Variants in NCAPD3 observed in about 807,000 individuals in gnomAD.
NCAPD3 encodes condensin-2 complex subunit D3.
NCAPD3 carries 105 observed loss-of-function variants against 182.9 expected under a neutral mutation model. That is an observed-to-expected ratio of 0.57 (90% confidence interval 0.49 to 0.68). The LOEUF is 0.68. Ranked by LOEUF, NCAPD3 falls within the 30% of genes least tolerant of loss-of-function variation. The pLI is 0.00. For synonymous variants in NCAPD3, 815 were observed against 679.9 expected, an observed-to-expected ratio of 1.20 and a Z score of -3.09; for missense variants, 1,944 against 1,837.0, an observed-to-expected ratio of 1.06 and a Z score of -1.07.
chr11:134,209,686 A>G, intron 4 of NCAPD3: 1 of 483,336 alleles, frequency 2.1e-6, no homozygotes, highest in Non-Finnish European at 3.6e-6. Flanking sequence ...AGTAGTTTCT[A>G]GTTTTGTGTC....
chr11:134,211,795 A>G (rs1486980698), intron 3 of NCAPD3, among the ~76,000 whole-genome samples: 1 of 152,228 alleles, frequency 6.6e-6, no homozygotes, highest in Non-Finnish European at 1.5e-5. Context: ...ACTGAAACAA[A>G]GATAAGTGAA....
intron 7 of NCAPD3, among the ~76,000 whole-genome samples, chr11:134,207,082 G>C (rs1937630429): frequency 6.6e-6 from 1 of 152,136 alleles, no homozygotes; most frequent in Admixed American, 6.5e-5. Flanking sequence ...TTATTCAAAA[G>C]GGGAAAGAAC....
chr11:134,188,003 G>A (rs142794436), intron 16 of NCAPD3, among the ~76,000 whole-genome samples: 2 of 152,176 alleles, frequency 1.3e-5, no homozygotes, highest in Admixed American at 6.5e-5. Context: ...AAACGTGGCT[G>A]TTAGGGTCGG....
rs777686301 is a variant in NCAPD3, at chr11:134,157,911, C to G, written c.4174+17G>C. 3.7e-6 allele frequency: 6 copies of G among 1,607,194 alleles called. No individual in the cohort carries two copies. The highest frequency in any genetic ancestry group is 5.1e-6 in the Non-Finnish European group (6 of 1,175,888). ...TGTAAATGCTCTACTGTGTCTGGCA[C>G]CAAACATAAGGCTTACCCTGACTGC... On this transcript the variant is annotated intron_variant, in intron 31 of 34. Coordinates refer to ENST00000534548, the MANE Select transcript of NCAPD3 (RefSeq NM_015261.3).
chr11:134,214,595 C>T (rs1937950973), intron 3 of NCAPD3, among the ~76,000 whole-genome samples: 1 of 152,038 alleles, frequency 6.6e-6, no homozygotes, highest in Non-Finnish European at 1.5e-5. Context: ...GGACAAACAA[C>T]AGAATTTAAT....
chr11:134,209,508 T>C, intron 4 of NCAPD3, 31 bp from the exon 5 acceptor site: 1 of 1,578,884 alleles, frequency 6.3e-7, no homozygotes, highest in South Asian at 1.1e-5. Context: ...CAGGTGACTG[T>C]AATAAATGCC....
intron 2 of NCAPD3, among the ~76,000 whole-genome samples, chr11:134,220,187 C>T (rs1431452776): frequency 8.2e-5 from 12 of 145,814 alleles, no homozygotes; most frequent in Non-Finnish European, 1.7e-4. Context: ...TATATTTTTC[C>T]TTTTTTTTTT....
chr11:134,197,878 T>C (rs974914491), intron 13 of NCAPD3, among the ~76,000 whole-genome samples: 2 of 152,212 alleles, frequency 1.3e-5, no homozygotes, highest in East Asian at 3.8e-4. Flanking sequence ...GGAAGGAAAC[T>C]TCCTCATATT....
Position 134,168,899 on chromosome 11 carries a change from C to T in NCAPD3, c.3239+18G>A, listed in dbSNP as rs751694821. On this transcript the variant is annotated intron_variant, in intron 25 of 34. Coordinates refer to ENST00000534548, the MANE Select transcript of NCAPD3 (RefSeq NM_015261.3). ...CTTACCCAGATACAAGGAGACCAGA[C>T]TTAGCTGCTTCACTGACCTCTCTGA... 2.0e-5 allele frequency: 32 copies of T among 1,608,266 alleles called. No individual in the cohort carries two copies. In the South Asian group the frequency reaches 3.3e-4, roughly 17 times the overall value.
At chr11:134,163,355 C>G (rs137957850) in intron 27 of NCAPD3, among the ~76,000 whole-genome samples, 2 of 152,276 alleles carry the variant, frequency 1.3e-5, no homozygotes, top group African/African-American at 4.8e-5. Flanking sequence ...TCACAGTCAA[C>G]CTGCCTTTAG....
chr11:134,191,740 G>C (rs1944529358), intron 16 of NCAPD3, among the ~76,000 whole-genome samples: 1 of 152,184 alleles, frequency 6.6e-6, no homozygotes, highest in African/African-American at 2.4e-5. Flanking sequence ...GGTGGGTAGA[G>C]GTTGAGTATC....
At chr11:134,201,800 T>C (rs561409870) in intron 13 of NCAPD3, among the ~76,000 whole-genome samples, 75 of 152,322 alleles carry the variant, frequency 4.9e-4, no homozygotes, top group African/African-American at 1.7e-3. Context: ...TTTTCCAGAG[T>C]ACATTTTCCT....
intron 1 of NCAPD3, chr11:134,223,597 G>A (rs189887333): frequency 4.8e-5 from 32 of 668,206 alleles, no homozygotes; most frequent in East Asian, 3.5e-4. Context: ...GGAAGAAGGG[G>A]AAGGCCGAGA....
chr11:134,158,216 G>T, intron 30 of NCAPD3, 113 bp downstream of exon 30: 4 of 1,528,656 alleles, frequency 2.6e-6, no homozygotes, highest in Non-Finnish European at 2.7e-6. Context: ...GAGCGGGGTG[G>T]CAGGCCAGAC....
At chr11:134,188,690 G>A (rs1224839196) in intron 16 of NCAPD3, among the ~76,000 whole-genome samples, 1 of 152,122 alleles carries the variant, frequency 6.6e-6, no homozygotes, top group Non-Finnish European at 1.5e-5. Context: ...CCCACCAGAG[G>A]GAAGAAACTC....
At chr11:134,156,631 G>A (rs916341265) in intron 32 of NCAPD3, among the ~76,000 whole-genome samples, 4 of 152,128 alleles carry the variant, frequency 2.6e-5, no homozygotes, top group African/African-American at 9.7e-5. Context: ...GGTACCTGCT[G>A]GTGCTGACGT....
In NCAPD3 at chr11:134,178,685, T is replaced by A; in HGVS notation, c.2731A>T (p.Arg911Ter). 6.3e-7 allele frequency: 1 copy of A among 1,599,690 alleles called. No homozygotes were observed. The highest frequency in any genetic ancestry group is 8.5e-7 in the Non-Finnish European group (1 of 1,171,688). Residue 911 changes from arginine (R) to a stop codon, truncating the protein, a stop_gained, in exon 22 of 35, where the codon AGA (arginine) becomes TGA (stop). Transcript: ENST00000534548. LOFTEE classifies it high-confidence loss of function. The part of the protein sequence containing the change: ...APASQPPPQV[R>*]GSVMPSVIRA... ...ATCACAGAGGGCATGACAGAACCTC[T>A]GACCTGGGGGGGTGGCTGAGACGCT...
chr11:134,197,600 A>C (rs1412281639), intron 13 of NCAPD3, among the ~76,000 whole-genome samples: 2 of 152,224 alleles, frequency 1.3e-5, no homozygotes, highest in Admixed American at 6.5e-5. Context: ...TAGCAATGCA[A>C]GAATGGCTTA....
At chr11:134,209,061 G>T (rs940045922) in intron 6 of NCAPD3, 84 bp downstream of exon 6, 8 of 1,479,886 alleles carry the variant, frequency 5.4e-6, no homozygotes, top group Admixed American at 1.8e-5. Flanking sequence ...TGCCAATTGG[G>T]ATAAAATGGT....
Sources: allele counts gnomAD v4.1 joint callset (sites outside exome capture counted in the v4.1 genomes callset), GRCh38; gene constraint gnomAD v4.1.1; transcripts MANE v1.5; gene names NCBI Gene and HGNC (gene_info 2026-07-23, HGNC 2026-07-21).